RAPGEF5: variants seen among roughly 807,000 people sequenced by gnomAD.
RAPGEF5 encodes Rap guanine nucleotide exchange factor 5.
Under a neutral mutation model 125.2 loss-of-function variants are expected in RAPGEF5, and 65 were observed. That is an observed-to-expected ratio of 0.52 (90% CI 0.43 to 0.64). RAPGEF5 has a LOEUF of 0.64. RAPGEF5 is among the 30% of genes least tolerant of loss of function. The probability of loss-of-function intolerance (pLI) is 0.00; values close to 1 mark genes in which losing one functional copy is unlikely to be tolerated. For synonymous variants in RAPGEF5, 391 were observed against 385.9 expected (o/e 1.01, Z -0.16); for missense variants, 958 against 1,048.1 (o/e 0.91, Z 1.19).
chr7:22,235,430 C>T (rs1786162834), intron 7 of RAPGEF5, among the ~76,000 whole-genome samples: 1 of 152,200 alleles, frequency 6.6e-6, no homozygotes, highest in Non-Finnish European at 1.5e-5. Context: ...GCTGGTCAAA[C>T]TGCACATCAG....
At chr7:22,197,496 A>G (rs1785173646) in intron 9 of RAPGEF5, among the ~76,000 whole-genome samples, 1 of 152,200 alleles carries the variant, frequency 6.6e-6, no homozygotes, top group African/African-American at 2.4e-5. Flanking sequence ...GGCTTGTTAT[A>G]CTTCTTTTCA....
At chr7:22,186,753 TAA>T (rs1420278170) in intron 11 of RAPGEF5, among the ~76,000 whole-genome samples, 1 of 152,218 alleles carries the variant, frequency 6.6e-6, no homozygotes, top group East Asian at 1.9e-4. Context: ...TGTATAAAGC[TAA>T]AAGTTAAGGA....
At chr7:22,243,331 A>T (rs1295090064) in intron 7 of RAPGEF5, among the ~76,000 whole-genome samples, 1 of 152,166 alleles carries the variant, frequency 6.6e-6, no homozygotes. Flanking sequence ...ATCTCAGCTC[A>T]CTGCAACCAC....
chr7:22,346,149 A>T (rs1018902180), intron 1 of RAPGEF5, among the ~76,000 whole-genome samples: 2 of 152,148 alleles, frequency 1.3e-5, no homozygotes, highest in Non-Finnish European at 2.9e-5. Flanking sequence ...AACAAGAAAT[A>T]AAACCTGATT....
intron 24 of RAPGEF5, among the ~76,000 whole-genome samples, chr7:22,125,995 A>C (rs969713218): frequency 2.0e-5 from 3 of 151,988 alleles, no homozygotes; most frequent in Non-Finnish European, 4.4e-5. Flanking sequence ...TAAAAATACA[A>C]AAAAATTAGC....
At chr7:22,169,475 G>A (rs1392622149) in intron 11 of RAPGEF5, among the ~76,000 whole-genome samples, 2 of 152,144 alleles carry the variant, frequency 1.3e-5, no homozygotes, top group African/African-American at 4.8e-5. Context: ...TGGGCCTGTT[G>A]AAGAGTAATG....
At chr7:22,181,508 A>C (rs1302470359) in intron 11 of RAPGEF5, among the ~76,000 whole-genome samples, 1 of 151,862 alleles carries the variant, frequency 6.6e-6, no homozygotes, top group African/African-American at 2.4e-5. Flanking sequence ...AGATTCACCA[A>C]ATATCCTAAA....
At chr7:22,129,151 T>G (rs1782837886) in intron 24 of RAPGEF5, among the ~76,000 whole-genome samples, 1 of 152,068 alleles carries the variant, frequency 6.6e-6, no homozygotes, top group Non-Finnish European at 1.5e-5. Flanking sequence ...TTTATGGACT[T>G]GTTCAGGTTT....
chr7:22,209,936 A>G (rs1006463486), intron 9 of RAPGEF5, among the ~76,000 whole-genome samples: 1 of 152,240 alleles, frequency 6.6e-6, no homozygotes, highest in Non-Finnish European at 1.5e-5. Flanking sequence ...GCTAGAAGAT[A>G]TTATCAATGG....
chr7:22,240,825 C>A (rs529749137), intron 7 of RAPGEF5, among the ~76,000 whole-genome samples: 38 of 152,066 alleles, frequency 2.5e-4, no homozygotes, highest in Admixed American at 7.2e-4. Context: ...CTAGTGTACT[C>A]CAATACTCTA....
At chr7:22,253,965 T>C (rs560868830) in intron 7 of RAPGEF5, among the ~76,000 whole-genome samples, 1 of 152,292 alleles carries the variant, frequency 6.6e-6, no homozygotes, top group South Asian at 2.1e-4. Context: ...TCCACAGGTA[T>C]AAAGGTTATT....
chr7:22,311,512 T>C (rs1783471211), intron 3 of RAPGEF5, among the ~76,000 whole-genome samples: 1 of 152,134 alleles, frequency 6.6e-6, no homozygotes, highest in African/African-American at 2.4e-5. Context: ...GGATGCTACA[T>C]TTTCTGGGGT....
intron 6 of RAPGEF5, among the ~76,000 whole-genome samples, chr7:22,280,559 A>C (rs144490769): frequency 6.6e-6 from 1 of 152,338 alleles, no homozygotes; most frequent in East Asian, 1.9e-4. Flanking sequence ...ATCTGCAAAA[A>C]GATTCACCCA....
intron 7 of RAPGEF5, among the ~76,000 whole-genome samples, chr7:22,253,113 C>T (rs1041660299): frequency 6.6e-6 from 1 of 152,132 alleles, no homozygotes; most frequent in Non-Finnish European, 1.5e-5. Flanking sequence ...TATTATAGCA[C>T]TGGAGAAGGA....
chr7:22,170,934 T>G (rs1050006136), intron 11 of RAPGEF5, among the ~76,000 whole-genome samples: 3 of 152,086 alleles, frequency 2.0e-5, no homozygotes, highest in Non-Finnish European at 4.4e-5. Flanking sequence ...TTCCCAATAC[T>G]CATAACTCAA....
intron 16 of RAPGEF5, 67 bp downstream of exon 16, chr7:22,156,743 C>T: frequency 6.2e-7 from 1 of 1,605,932 alleles, no homozygotes; most frequent in South Asian, 1.1e-5. Flanking sequence ...GCTGATATGC[C>T]AATGTAGGAG....
intron 1 of RAPGEF5, among the ~76,000 whole-genome samples, chr7:22,344,654 C>G (rs924769766): frequency 6.6e-6 from 1 of 152,204 alleles, no homozygotes; most frequent in African/African-American, 2.4e-5. Flanking sequence ...AAGGCAGCCT[C>G]CACGGTGCAG....
At chr7:22,188,098 T>A (rs1373097651) in intron 11 of RAPGEF5, among the ~76,000 whole-genome samples, 2 of 152,228 alleles carry the variant, frequency 1.3e-5, no homozygotes, top group African/African-American at 4.8e-5. Flanking sequence ...ATATCAATTG[T>A]ACAAAATCAT....
chr7:22,216,566 A>G (rs980085618), intron 9 of RAPGEF5, among the ~76,000 whole-genome samples: 3 of 152,198 alleles, frequency 2.0e-5, no homozygotes, highest in Non-Finnish European at 4.4e-5. Context: ...GCACAGTCAC[A>G]GAATTAAGGC....
Sources: allele counts gnomAD v4.1 joint callset (sites outside exome capture counted in the v4.1 genomes callset), GRCh38; gene constraint gnomAD v4.1.1; transcripts MANE v1.5; gene names NCBI Gene and HGNC (gene_info 2026-07-23, HGNC 2026-07-21).